Variants in VPS41 observed in about 807,000 individuals in gnomAD.
The protein encoded by VPS41 is VPS41 subunit of HOPS complex.
In VPS41, 85 loss-of-function variants were observed where a neutral mutation model predicts 130.9. The observed-to-expected ratio is 0.65, with a 90% confidence interval of 0.55 to 0.78. The LOEUF is 0.78. Ranked by LOEUF, VPS41 falls within the 30% of genes least tolerant of loss-of-function variation. VPS41 has a pLI of 0.00. For synonymous variants in VPS41, 335 were observed against 332.9 expected, an observed-to-expected ratio of 1.01 and a Z score of -0.07; for missense variants, 874 against 1,018.7, an observed-to-expected ratio of 0.86 and a Z score of 1.93.
chr7:38,741,919 A>G (rs752921061), intron 25 of VPS41, 66 bp downstream of exon 25: 265 of 1,564,938 alleles, frequency 1.7e-4, no homozygotes, highest in Admixed American at 3.4e-4. Context: ...CATAAACCCT[A>G]GAAATATTTA....
chr7:38,908,956 T>A (rs532907339), intron 1 of VPS41, among the ~76,000 whole-genome samples, 198 bp downstream of exon 1: 1 of 152,274 alleles, frequency 6.6e-6, no homozygotes, highest in African/African-American at 2.4e-5. Flanking sequence ...CAGAGCGCTT[T>A]CCCTAGGTGC....
intron 4 of VPS41, among the ~76,000 whole-genome samples, chr7:38,862,008 C>T (rs988425579): frequency 2.6e-5 from 4 of 152,190 alleles, no homozygotes; most frequent in Non-Finnish European, 5.9e-5. Context: ...TTTTCAATTA[C>T]ATTTGGCATC....
chr7:38,814,651 A>C (rs1785005816), intron 7 of VPS41, among the ~76,000 whole-genome samples: 1 of 152,122 alleles, frequency 6.6e-6, no homozygotes, highest in Admixed American at 6.5e-5. Flanking sequence ...CTCTGTCTCA[A>C]AAAAAACAAA....
intron 5 of VPS41, among the ~76,000 whole-genome samples, chr7:38,826,299 C>A (rs1785274530): frequency 6.6e-6 from 1 of 152,186 alleles, no homozygotes; most frequent in Admixed American, 6.5e-5. Context: ...AGGAAGAGAT[C>A]TGCCTGTTCT....
intron 2 of VPS41, among the ~76,000 whole-genome samples, chr7:38,885,661 T>C (rs182617984): frequency 7.2e-4 from 109 of 152,284 alleles, no homozygotes; most frequent in African/African-American, 2.5e-3. Context: ...ATGAGGCATA[T>C]AGGAAATATT....
intron 2 of VPS41, among the ~76,000 whole-genome samples, chr7:38,887,146 C>T (rs1319038967): frequency 1.3e-5 from 2 of 152,136 alleles, no homozygotes; most frequent in Non-Finnish European, 2.9e-5. Context: ...AACTCCTCGC[C>T]AGCAAGGGAA....
chr7:38,763,511 G>T lies in VPS41; in HGVS notation c.1366C>A (p.Leu456Met). Reference protein sequence around the residue: ...SPYLPRGDPVLKPLIYEMILH... With the variant: ...SPYLPRGDPVMKPLIYEMILH... ...ATCATTTCATAGATGAGTGGTTTCA[G>T]AACTGGATCACCTCTTGGCAAATAA... The change falls in exon 17 of 29, where the codon CTG becomes ATG. Residue 456 changes from leucine to methionine, a missense_variant. Leu to Met is a conservative substitution (Grantham distance 15). Transcript: ENST00000310301. 6.2e-7 allele frequency: 1 copy of T among 1,607,396 alleles called. No homozygotes were observed. Among genetic ancestry groups the T allele is most frequent in the Non-Finnish European group, 8.5e-7 (1 of 1,177,714 alleles).
At chr7:38,854,936 C>A (rs1039413123) in intron 4 of VPS41, among the ~76,000 whole-genome samples, 1 of 150,764 alleles carries the variant, frequency 6.6e-6, no homozygotes, top group African/African-American at 2.4e-5. Context: ...GTGGGCCAGG[C>A]GTGGTGGCTC....
At chr7:38,800,509 T>C (rs1321901720) in intron 7 of VPS41, among the ~76,000 whole-genome samples, 1 of 152,184 alleles carries the variant, frequency 6.6e-6, no homozygotes, top group African/African-American at 2.4e-5. Flanking sequence ...CTTAGGGGAA[T>C]AGTTAAAATG....
intron 9 of VPS41, 141 bp from the exon 10 acceptor site, chr7:38,790,008 G>C (rs1784507978): frequency 6.8e-6 from 5 of 731,168 alleles, no homozygotes; most frequent in Non-Finnish European, 1.1e-5. Flanking sequence ...TTAAATGACA[G>C]AAATTAATGT....
chr7:38,837,208 C>G (rs1785513713), intron 4 of VPS41, among the ~76,000 whole-genome samples: 1 of 152,144 alleles, frequency 6.6e-6, no homozygotes, highest in South Asian at 2.1e-4. Flanking sequence ...TTAGGGTAGG[C>G]CTGCCATACC....
chr7:38,809,636 T>C (rs1043938702), intron 7 of VPS41, among the ~76,000 whole-genome samples: 1 of 152,034 alleles, frequency 6.6e-6, no homozygotes, highest in Non-Finnish European at 1.5e-5. Flanking sequence ...CATTTCAAAT[T>C]TTCCTCATTT....
intron 23 of VPS41, among the ~76,000 whole-genome samples, chr7:38,744,487 C>T (rs576531798): frequency 6.6e-6 from 1 of 152,124 alleles, no homozygotes; most frequent in African/African-American, 2.4e-5. Context: ...CAGTTTATGT[C>T]TCTAAAAATG....
intron 4 of VPS41, among the ~76,000 whole-genome samples, chr7:38,840,227 GT>G (rs1287220738): frequency 6.6e-6 from 1 of 151,958 alleles, no homozygotes; most frequent in Non-Finnish European, 1.5e-5. Flanking sequence ...TATAAACACT[GT>G]TGAGTAAAAA....
In VPS41 at chr7:38,824,683, G is replaced by T. The variant is rs114546658; in HGVS notation, c.322-3418C>A. Among the ~76,000 whole-genome samples the T allele has an allele frequency of 2.3e-3, 347 of 152,252 alleles. 1 individual carries two copies. Among genetic ancestry groups the T allele is most frequent in the African/African-American group, 8.0e-3 (334 of 41,550 alleles). ...AAAAACATTCAAAAGCCTTAAATAT[G>T]TGCCAAACTGAAAAGAACATGAATA... On this transcript the variant is annotated intron_variant, in intron 5 of 28. Transcript: ENST00000310301.
chr7:38,861,555 C>T (rs1177408412), intron 4 of VPS41, among the ~76,000 whole-genome samples: 2 of 152,170 alleles, frequency 1.3e-5, no homozygotes, highest in Non-Finnish European at 2.9e-5. Context: ...AGATTGTCCT[C>T]GTTCCAGGGT....
chr7:38,908,561 C>T (rs1787319288), intron 1 of VPS41, among the ~76,000 whole-genome samples: 1 of 152,120 alleles, frequency 6.6e-6, no homozygotes, highest in Admixed American at 6.6e-5. Context: ...TGAGGACGGC[C>T]TTATTATTAC....
At chr7:38,808,675 C>G (rs1210094901) in intron 7 of VPS41, among the ~76,000 whole-genome samples, 1 of 152,134 alleles carries the variant, frequency 6.6e-6, no homozygotes, top group Non-Finnish European at 1.5e-5. Context: ...AGGTAGAAGG[C>G]TACAATCAAG....
chr7:38,774,200 T>C lies in VPS41; in HGVS notation c.927A>G (p.Pro309=), dbSNP rs760770570. ...AGATCTCTTCACAAGTCTCAGAAAG[T>C]GGCTGGATGATGTCCAGTCTAGGCC... ...CARPRLDIIQ[P]LSETCEEISS... The change falls in exon 12 of 29, where the codon CCA becomes CCG. Residue 309 remains proline, a synonymous_variant. Transcript: ENST00000310301. 1.2e-6 allele frequency: 2 copies of C among 1,609,492 alleles called. No individual in the cohort carries two copies. The highest frequency in any genetic ancestry group is 1.7e-5 in the Admixed American group (1 of 59,952).
Sources: gnomAD v4.1 joint callset for allele counts (sites outside exome capture counted in the v4.1 genomes callset) on GRCh38, gnomAD v4.1.1 for gene constraint, MANE v1.5 for transcripts, NCBI Gene and HGNC (gene_info 2026-07-23, HGNC 2026-07-21) for gene names.